The following TXNRD1 variants were observed in gnomAD, a reference collection of about 807,000 sequenced individuals.
TXNRD1 encodes the protein thioredoxin reductase 1, also known as thioredoxin reductase 1, cytoplasmic.
Under a neutral mutation model 80.3 loss-of-function variants are expected in TXNRD1, and 57 were observed. The ratio of observed to expected loss-of-function variants is 0.71; its 90% CI spans 0.57 to 0.89. The LOEUF is 0.89. TXNRD1 is among the 40% of genes least tolerant of loss of function. The pLI is 0.00. For missense variants in TXNRD1, 730 were observed against 803.0 expected, an observed-to-expected ratio of 0.91 and a Z score of 1.10; for synonymous variants, 291 against 285.2, an observed-to-expected ratio of 1.02 and a Z score of -0.20.
At chr12:104,345,231 T>C (rs954371183) in intron 16 of TXNRD1, among the ~76,000 whole-genome samples, 30 of 152,164 alleles carry the variant, frequency 2.0e-4, no homozygotes, top group African/African-American at 5.8e-4. Context: ...ATTTCACAAG[T>C]GTTAGTCCAG....
At chr12:104,344,478 A>T (rs1291676149) in intron 16 of TXNRD1, among the ~76,000 whole-genome samples, 1 of 152,128 alleles carries the variant, frequency 6.6e-6, no homozygotes, top group Non-Finnish European at 1.5e-5. Context: ...TGACACAATA[A>T]TTGTACATAT....
intron 4 of TXNRD1, chr12:104,305,151 C>T (rs1039902456): frequency 8.6e-6 from 4 of 463,170 alleles, no homozygotes; most frequent in African/African-American, 6.1e-5. Flanking sequence ...TTTATGGGAA[C>T]GTTTTATTGA....
At chr12:104,240,533 G>A (rs191183508) in intron 1 of TXNRD1, among the ~76,000 whole-genome samples, 2 of 152,186 alleles carry the variant, frequency 1.3e-5, no homozygotes, top group Non-Finnish European at 2.9e-5. Context: ...TAGTGAAATT[G>A]TGAGAGTTAT....
At chr12:104,290,005 G>A (rs1487756469) in intron 4 of TXNRD1, among the ~76,000 whole-genome samples, 1 of 152,190 alleles carries the variant, frequency 6.6e-6, no homozygotes, top group Non-Finnish European at 1.5e-5. Flanking sequence ...CTCACCTGTG[G>A]TAGATTACCA....
At chr12:104,308,228 C>T (rs920580476) in intron 4 of TXNRD1, among the ~76,000 whole-genome samples, 1 of 152,186 alleles carries the variant, frequency 6.6e-6, no homozygotes, top group East Asian at 1.9e-4. Context: ...ATCTCCAGAC[C>T]TCATGATCCA....
intron 14 of TXNRD1, among the ~76,000 whole-genome samples, chr12:104,333,878 C>T (rs1208442260): frequency 6.6e-6 from 1 of 152,186 alleles, no homozygotes; most frequent in Non-Finnish European, 1.5e-5. Flanking sequence ...CCCAAGTTGT[C>T]ATTCACAGTG....
chr12:104,227,214 A>G (rs1414553667), intron 1 of TXNRD1, among the ~76,000 whole-genome samples: 3 of 152,124 alleles, frequency 2.0e-5, no homozygotes, highest in Non-Finnish European at 2.9e-5. Flanking sequence ...AAATTGGTAT[A>G]CAAATAAAAT....
rs372052415 is a variant in TXNRD1, at chr12:104,251,775, GTGTA to G, written c.243+102_243+105del. 111 of 1,442,620 alleles carry G rather than the reference GTGTA, an allele frequency of 7.7e-5. 1 individual carries two copies. The African/African-American group carries it at 1.4e-3, about 18-fold the overall frequency. 89.4% of individuals were successfully genotyped at this position (1,442,620 alleles called of 1,614,324 possible). A position where few individuals can be genotyped will look rare whatever the true frequency, so the allele number is the denominator to read the frequency against. On this transcript the variant is annotated intron_variant, in intron 2 of 16. Coordinates refer to ENST00000525566, the MANE Select transcript of TXNRD1 (RefSeq NM_001093771.3). ...CAACTGGATTTTACCTTTAGGAAGA[GTGTA>G]TGTAGGCTGGGCGCGGTGGCTCACA... is the stretch of plus-strand genomic sequence containing the variant.
chr12:104,323,818 C>CT (rs2035653966), intron 10 of TXNRD1, among the ~76,000 whole-genome samples: 1 of 144,310 alleles, frequency 6.9e-6, no homozygotes, highest in Admixed American at 6.9e-5. Context: ...TGACCCCCCC[C>CT]CACCTCCCTC....
chr12:104,272,666 C>T (rs780161948), intron 3 of TXNRD1, among the ~76,000 whole-genome samples: 10 of 151,864 alleles, frequency 6.6e-5, no homozygotes, highest in Non-Finnish European at 1.3e-4. Flanking sequence ...GTGGCGGGCG[C>T]CTGTAGTCCC....
chr12:104,256,534 A>G (rs1334994523), intron 2 of TXNRD1, among the ~76,000 whole-genome samples: 2 of 152,108 alleles, frequency 1.3e-5, no homozygotes, highest in African/African-American at 4.8e-5. Context: ...TAATCCCAGC[A>G]CTTTGGGAGG....
chr12:104,348,001 A>G (rs1384529812), intron 16 of TXNRD1, among the ~76,000 whole-genome samples: 7 of 152,212 alleles, frequency 4.6e-5, no homozygotes, highest in Non-Finnish European at 7.3e-5. Flanking sequence ...ACACAGGGCT[A>G]ACTGGGCACT....
intron 3 of TXNRD1, among the ~76,000 whole-genome samples, chr12:104,272,407 C>T (rs1228443467): frequency 6.6e-6 from 1 of 152,006 alleles, no homozygotes; most frequent in Non-Finnish European, 1.5e-5. Flanking sequence ...GGTAGGTAAT[C>T]GGAATGACTT....
chr12:104,327,095 C>T (rs2035792419), intron 12 of TXNRD1, among the ~76,000 whole-genome samples: 1 of 152,204 alleles, frequency 6.6e-6, no homozygotes, highest in Admixed American at 6.5e-5. Flanking sequence ...AGCCACTGTG[C>T]CTGGCCGAAT....
Position 104,258,008 on chromosome 12 carries a change from ACTT to A in TXNRD1, c.244-6_244-4del. ...TTTTCATTTTCCTCCTTGTTTTTCAACTTCTTCCAGGTAAAGAAGTTATTTAAA... is the reference window on the plus strand; with the variant it reads ...TTTTCATTTTCCTCCTTGTTTTTCAACTTCCAGGTAAAGAAGTTATTTAAA... On this transcript the variant is annotated splice_region_variant and splice_polypyrimidine_tract_variant and intron_variant, in intron 2 of 16. Transcript: ENST00000525566. 6.5e-7 allele frequency: 1 copy of A among 1,541,468 alleles called. No homozygotes were observed. Among genetic ancestry groups the A allele is most frequent in the Non-Finnish European group, 8.8e-7 (1 of 1,142,418 alleles).
chr12:104,266,257 G>C (rs1315075478), intron 3 of TXNRD1, among the ~76,000 whole-genome samples: 1 of 152,196 alleles, frequency 6.6e-6, no homozygotes, highest in Non-Finnish European at 1.5e-5. Flanking sequence ...CCCCGGTGCG[G>C]TGGCTTACGC....
intron 3 of TXNRD1, among the ~76,000 whole-genome samples, chr12:104,285,756 C>A (rs1204919188): frequency 6.6e-6 from 1 of 152,178 alleles, no homozygotes; most frequent in African/African-American, 2.4e-5. Flanking sequence ...CAGAACTTGG[C>A]TTGGGAGCCA....
At chr12:104,240,146 A>G (rs2032828088) in intron 1 of TXNRD1, among the ~76,000 whole-genome samples, 1 of 152,132 alleles carries the variant, frequency 6.6e-6, no homozygotes, top group East Asian at 1.9e-4. Flanking sequence ...TCTGGACAAG[A>G]TTGTATAGAT....
chr12:104,258,265 T>G, intron 3 of TXNRD1, 186 bp downstream of exon 3: 2 of 537,156 alleles, frequency 3.7e-6, no homozygotes, highest in South Asian at 5.0e-5. Flanking sequence ...CCTTTAGCCT[T>G]TACCTAGTGT....
Sources: allele counts gnomAD v4.1 joint callset (sites outside exome capture counted in the v4.1 genomes callset), GRCh38; gene constraint gnomAD v4.1.1; transcripts MANE v1.5; gene names NCBI Gene and HGNC (gene_info 2026-07-23, HGNC 2026-07-21).